The following BNC2 variants were observed in gnomAD, a reference collection of about 807,000 sequenced individuals.
BNC2 encodes the protein zinc finger protein basonuclin-2.
In BNC2, 20 loss-of-function variants were observed where a neutral mutation model predicts 76.3. That is an observed-to-expected ratio of 0.26 (90% CI 0.18 to 0.38). The LOEUF is 0.38. BNC2 is among the 10% of genes least tolerant of loss of function. The pLI is 1.00. For missense variants in BNC2, 1,382 were observed against 1,399.8 expected, an observed-to-expected ratio of 0.99 and a Z score of 0.20; for synonymous variants, 582 against 514.8, an observed-to-expected ratio of 1.13 and a Z score of -1.77.
At chr9:16,516,085 C>G (rs1255876219) in intron 5 of BNC2, among the ~76,000 whole-genome samples, 1 of 152,198 alleles carries the variant, frequency 6.6e-6, no homozygotes, top group Non-Finnish European at 1.5e-5. Context: ...ACTGCTTGAG[C>G]TGAGCCACTG....
intron 1 of BNC2, among the ~76,000 whole-genome samples, chr9:16,779,131 A>AAG (rs1554729014): frequency 1.1e-3 from 9 of 8,184 alleles, no homozygotes; most frequent in African/African-American, 2.0e-3. Flanking sequence ...AAAAAAAAAA[A>AAG]AAAGAAAAGA....
intron 5 of BNC2, among the ~76,000 whole-genome samples, chr9:16,510,884 T>A (rs1056291823): frequency 1.3e-5 from 2 of 152,150 alleles, no homozygotes; most frequent in African/African-American, 2.4e-5. Flanking sequence ...ATTGCGAGAT[T>A]TTACATGGGC....
intron 3 of BNC2, among the ~76,000 whole-genome samples, chr9:16,599,037 C>T (rs185790723): frequency 1.3e-5 from 2 of 152,164 alleles, no homozygotes; most frequent in South Asian, 4.1e-4. Flanking sequence ...TCCATTCACC[C>T]ATATAAAAAC....
intron 5 of BNC2, among the ~76,000 whole-genome samples, chr9:16,528,897 G>A (rs80154948): frequency 4.1e-4 from 63 of 152,302 alleles, no homozygotes; most frequent in African/African-American, 1.5e-3. Flanking sequence ...CACCGTAGTG[G>A]CTTATAACAA....
chr9:16,748,998 C>A (rs1340147294), intron 1 of BNC2, among the ~76,000 whole-genome samples: 3 of 143,702 alleles, frequency 2.1e-5, no homozygotes, highest in Admixed American at 1.4e-4. Context: ...CCCTGAAAAC[C>A]AAAGAGAGTT....
At chr9:16,772,537 T>C (rs1825859092) in intron 1 of BNC2, among the ~76,000 whole-genome samples, 1 of 152,162 alleles carries the variant, frequency 6.6e-6, no homozygotes, top group Non-Finnish European at 1.5e-5. Context: ...TTCCCCCTCT[T>C]TGAACTGATA....
chr9:16,454,243 T>A (rs1407179475), intron 5 of BNC2, among the ~76,000 whole-genome samples: 1 of 152,184 alleles, frequency 6.6e-6, no homozygotes, highest in Non-Finnish European at 1.5e-5. Flanking sequence ...AAAATACACA[T>A]CTTTCTACCC....
At chr9:16,745,963 G>C (rs145540114) in intron 1 of BNC2, among the ~76,000 whole-genome samples, 2 of 152,146 alleles carry the variant, frequency 1.3e-5, no homozygotes, top group South Asian at 2.1e-4. Flanking sequence ...GAGACAAGTC[G>C]TATAAAGCCT....
intron 5 of BNC2, among the ~76,000 whole-genome samples, chr9:16,537,911 C>A (rs1402952462): frequency 1.3e-5 from 2 of 152,162 alleles, no homozygotes; most frequent in Non-Finnish European, 2.9e-5. Flanking sequence ...AAGTGTTCTC[C>A]TTCTAAGGGT....
rs910843173 is a variant in BNC2, at chr9:16,424,293, C to T, written c.2640-4644G>A. On this transcript the variant is annotated intron_variant, in intron 6 of 6. Coordinates refer to ENST00000380672, the MANE Select transcript of BNC2 (RefSeq NM_017637.6). The stretch of plus-strand genomic sequence containing the variant: ...AAAAAAAAAAAAACAAGTTGCATGA[C>T]CAAATTAGAAAGTAAGACTGTGGCA... Among the ~76,000 whole-genome samples the T allele has an allele frequency of 1.7e-4, 26 of 150,466 alleles. 1 individual carries two copies. The highest frequency in any genetic ancestry group is 7.9e-4 in the Admixed American group (12 of 15,122).
chr9:16,794,329 G>C (rs1424030633), intron 1 of BNC2, among the ~76,000 whole-genome samples: 1 of 152,148 alleles, frequency 6.6e-6, no homozygotes, highest in Non-Finnish European at 1.5e-5. Context: ...ACTGCCGAGG[G>C]GAATGCAATT....
At chr9:16,524,098 G>C (rs1041018935) in intron 5 of BNC2, among the ~76,000 whole-genome samples, 1 of 152,040 alleles carries the variant, frequency 6.6e-6, no homozygotes, top group Admixed American at 6.5e-5. Flanking sequence ...ACTACCTAAT[G>C]AGCACTTGGG....
intron 1 of BNC2, among the ~76,000 whole-genome samples, chr9:16,794,948 GA>G (rs1817605374): frequency 6.6e-6 from 1 of 151,476 alleles, no homozygotes; most frequent in African/African-American, 2.4e-5. Flanking sequence ...GGCCTTTAGT[GA>G]TAAGTTCATG....
intron 3 of BNC2, among the ~76,000 whole-genome samples, chr9:16,698,712 T>G (rs1823415503): frequency 6.6e-6 from 1 of 151,454 alleles, no homozygotes; most frequent in Non-Finnish European, 1.5e-5. Context: ...AAAGCCATGA[T>G]GAATACCTAT....
chr9:16,661,596 T>C (rs1822112768), intron 3 of BNC2, among the ~76,000 whole-genome samples: 1 of 152,158 alleles, frequency 6.6e-6, no homozygotes, highest in Non-Finnish European at 1.5e-5. Context: ...AGAGTTCCAA[T>C]ATATTAATAT....
chr9:16,817,628 A>C (rs1818217105), intron 1 of BNC2, among the ~76,000 whole-genome samples: 1 of 152,180 alleles, frequency 6.6e-6, no homozygotes, highest in Non-Finnish European at 1.5e-5. Flanking sequence ...GGTGTTTCTC[A>C]AATACTCCTT....
At chr9:16,850,379 A>C (rs1819101219) in intron 1 of BNC2, among the ~76,000 whole-genome samples, 1 of 152,218 alleles carries the variant, frequency 6.6e-6, no homozygotes, top group Non-Finnish European at 1.5e-5. Context: ...TATATAGTGA[A>C]ATGGCTTTTT....
At chr9:16,540,492 C>T (rs138653013) in intron 5 of BNC2, among the ~76,000 whole-genome samples, 1 of 152,122 alleles carries the variant, frequency 6.6e-6, no homozygotes, top group Non-Finnish European at 1.5e-5. Context: ...ATATCTAAAA[C>T]TTTGACTTAA....
chr9:16,543,132 A>C (rs1028124025), intron 5 of BNC2, among the ~76,000 whole-genome samples: 3 of 152,184 alleles, frequency 2.0e-5, no homozygotes, highest in African/African-American at 7.2e-5. Flanking sequence ...TTGCTCTAGA[A>C]ACTTAAGGGT....
Sources: gnomAD v4.1 joint callset for allele counts (sites outside exome capture counted in the v4.1 genomes callset) on GRCh38, gnomAD v4.1.1 for gene constraint, MANE v1.5 for transcripts, NCBI Gene and HGNC (gene_info 2026-07-23, HGNC 2026-07-21) for gene names.